PPP3CA: variants seen among roughly 807,000 people sequenced by gnomAD.
PPP3CA encodes the protein protein phosphatase 3 catalytic subunit alpha.
PPP3CA carries 14 observed loss-of-function variants against 66.5 expected under a neutral mutation model. That is an observed-to-expected ratio of 0.21 (90% CI 0.14 to 0.33). The LOEUF is 0.33. Ranked by LOEUF, PPP3CA falls within the 10% of genes least tolerant of loss-of-function variation. The pLI, the probability that PPP3CA is intolerant of heterozygous loss-of-function variation, is 1.00. For missense variants in PPP3CA, 317 were observed against 639.5 expected (o/e 0.50, Z 5.44); for synonymous variants, 232 against 226.2 (o/e 1.03, Z -0.23).
At chr4:101,113,782 A>G (rs1042617067) in intron 2 of PPP3CA, among the ~76,000 whole-genome samples, 13 of 152,114 alleles carry the variant, frequency 8.5e-5, no homozygotes, top group Non-Finnish European at 1.5e-4. Flanking sequence ...ATATTCACTT[A>G]CTATTGGTCC....
intron 2 of PPP3CA, among the ~76,000 whole-genome samples, chr4:101,115,748 T>C (rs1721819258): frequency 1.3e-5 from 2 of 151,912 alleles, no homozygotes; most frequent in African/African-American, 4.8e-5. Context: ...CTCAACAATA[T>C]CTTTCACTTA....
chr4:101,310,238 G>A (rs912329005), intron 1 of PPP3CA, among the ~76,000 whole-genome samples: 1 of 151,998 alleles, frequency 6.6e-6, no homozygotes, highest in Non-Finnish European at 1.5e-5. Flanking sequence ...GAAATACCAC[G>A]AATTCTCAGT....
At chr4:101,271,850 C>T (rs1209037588) in intron 1 of PPP3CA, among the ~76,000 whole-genome samples, 3 of 152,124 alleles carry the variant, frequency 2.0e-5, no homozygotes, top group African/African-American at 7.2e-5. Context: ...TAACGACACA[C>T]AAAACACAAA....
intron 1 of PPP3CA, among the ~76,000 whole-genome samples, chr4:101,215,885 A>T (rs1725437310): frequency 6.6e-6 from 1 of 152,176 alleles, no homozygotes; most frequent in South Asian, 2.1e-4. Context: ...AGATTTAGAA[A>T]CAATGTGATC....
intron 1 of PPP3CA, among the ~76,000 whole-genome samples, chr4:101,322,744 T>C (rs1729080774): frequency 6.6e-6 from 1 of 152,170 alleles, no homozygotes; most frequent in South Asian, 2.1e-4. Context: ...ATGCAGCCTT[T>C]GCATCCTCAG....
intron 1 of PPP3CA, among the ~76,000 whole-genome samples, chr4:101,319,982 T>C (rs537247882): frequency 1.3e-5 from 2 of 152,126 alleles, no homozygotes; most frequent in East Asian, 3.9e-4. Flanking sequence ...ATATAAGATA[T>C]TGTGTATACC....
intron 2 of PPP3CA, among the ~76,000 whole-genome samples, chr4:101,122,814 G>T (rs1722071586): frequency 6.6e-6 from 1 of 152,096 alleles, no homozygotes; most frequent in East Asian, 1.9e-4. Context: ...GTAATGTTTA[G>T]GAAGATAAAT....
chr4:101,199,587 T>C (rs571339487), intron 1 of PPP3CA, among the ~76,000 whole-genome samples: 1 of 152,312 alleles, frequency 6.6e-6, no homozygotes, highest in Admixed American at 6.5e-5. Context: ...ATGCCACTTT[T>C]TTCCTCAAAT....
chr4:101,154,588 A>C (rs773273519), intron 2 of PPP3CA, among the ~76,000 whole-genome samples: 19 of 152,278 alleles, frequency 1.2e-4, no homozygotes, highest in Non-Finnish European at 2.4e-4. Context: ...CACAGAGATA[A>C]TAGAGAGTCA....
intron 1 of PPP3CA, among the ~76,000 whole-genome samples, chr4:101,218,175 G>A (rs1725512645): frequency 6.6e-6 from 1 of 152,078 alleles, no homozygotes; most frequent in South Asian, 2.1e-4. Flanking sequence ...AGGGAAAGCT[G>A]AAAGATAAAA....
chr4:101,165,260 T>A (rs1172482753), intron 2 of PPP3CA, among the ~76,000 whole-genome samples: 4 of 152,314 alleles, frequency 2.6e-5, no homozygotes, highest in African/African-American at 7.2e-5. Context: ...AAAATAAGAA[T>A]AATCAAACGA....
chr4:101,090,839 TC>T (rs1398564372), intron 6 of PPP3CA, among the ~76,000 whole-genome samples: 3 of 149,344 alleles, frequency 2.0e-5, no homozygotes, highest in Non-Finnish European at 4.5e-5. Context: ...TATAGACATA[TC>T]TGTGTCTATA....
intron 2 of PPP3CA, among the ~76,000 whole-genome samples, chr4:101,150,613 T>C (rs1226251478): frequency 1.3e-5 from 2 of 152,334 alleles, no homozygotes; most frequent in East Asian, 1.9e-4. Flanking sequence ...TTTTTTATTT[T>C]CATTAACCTA....
At position 101,071,928 on chromosome 4, in the gene PPP3CA, T is replaced by C. The variant is rs561406733; in HGVS notation, c.956-8571A>G. ...AGATTCATTCAATTAAAATATATAGTACAAGGAATCTTTCAATATTAAATT... is the reference window on the plus strand; with the variant it reads ...AGATTCATTCAATTAAAATATATAGCACAAGGAATCTTTCAATATTAAATT... On this transcript the variant is annotated intron_variant, in intron 8 of 13. Transcript: ENST00000394854. 3.4e-4 allele frequency among the ~76,000 whole-genome samples: 52 copies of C among 151,288 alleles called. No individual in the cohort carries two copies. In the Middle Eastern group the frequency reaches 0.014, roughly 40 times the overall value.
intron 1 of PPP3CA, among the ~76,000 whole-genome samples, chr4:101,223,535 C>G (rs1725691548): frequency 6.6e-6 from 1 of 151,796 alleles, no homozygotes; most frequent in Non-Finnish European, 1.5e-5. Flanking sequence ...TCCACAATTA[C>G]ATCTCCATAA....
chr4:101,206,210 T>C (rs1725125933), intron 1 of PPP3CA, among the ~76,000 whole-genome samples: 1 of 152,246 alleles, frequency 6.6e-6, no homozygotes, highest in Admixed American at 6.5e-5. Flanking sequence ...TCCAATTCTC[T>C]GCACCTCTAA....
intron 1 of PPP3CA, among the ~76,000 whole-genome samples, chr4:101,312,354 T>G (rs1021512686): frequency 8.5e-5 from 13 of 152,196 alleles, no homozygotes; most frequent in East Asian, 5.8e-4. Flanking sequence ...AAACTGTCTG[T>G]ATATAAATTA....
At chr4:101,033,531 C>G (rs1727106978) in intron 11 of PPP3CA, among the ~76,000 whole-genome samples, 1 of 152,120 alleles carries the variant, frequency 6.6e-6, no homozygotes, top group African/African-American at 2.4e-5. Flanking sequence ...AATTCTATAT[C>G]CATTATATCA....
intron 1 of PPP3CA, among the ~76,000 whole-genome samples, chr4:101,292,211 A>G (rs984850183): frequency 1.3e-5 from 2 of 152,112 alleles, no homozygotes; most frequent in East Asian, 3.9e-4. Context: ...TCATTCTTTT[A>G]GAGCTTCTAA....
Sources: allele counts gnomAD v4.1 joint callset (sites outside exome capture counted in the v4.1 genomes callset), GRCh38; gene constraint gnomAD v4.1.1; transcripts MANE v1.5; gene names NCBI Gene and HGNC (gene_info 2026-07-23, HGNC 2026-07-21).